The following MAP3K2 variants were observed in gnomAD, a reference collection of about 807,000 sequenced individuals.
MAP3K2 encodes the protein mitogen-activated protein kinase kinase kinase 2.
MAP3K2 carries 24 observed loss-of-function variants against 80.3 expected under a neutral mutation model. The observed-to-expected ratio is 0.30, with a 90% CI of 0.22 to 0.42. The LOEUF is 0.42. Among genes scored for constraint, MAP3K2 ranks in the 10% least tolerant of loss-of-function variants. MAP3K2 has a pLI of 1.00. For missense variants in MAP3K2, 608 were observed against 750.1 expected (o/e 0.81, Z 2.21); for synonymous variants, 244 against 253.7 (o/e 0.96, Z 0.36).
chr2:127,315,551 T>C (rs1685884616), intron 14 of MAP3K2, among the ~76,000 whole-genome samples: 1 of 152,176 alleles, frequency 6.6e-6, no homozygotes, highest in Non-Finnish European at 1.5e-5. Context: ...AACACACATA[T>C]GGAAAGCGGC....
chr2:127,381,482 G>A (rs1178190033), intron 1 of MAP3K2, among the ~76,000 whole-genome samples: 1 of 152,292 alleles, frequency 6.6e-6, no homozygotes, highest in South Asian at 2.1e-4. Context: ...ATCAGATTCT[G>A]ATTAACCTAG....
chr2:127,335,764 T>C (rs1686354725), intron 5 of MAP3K2, 106 bp downstream of exon 5: 2 of 588,794 alleles, frequency 3.4e-6, no homozygotes, highest in Non-Finnish European at 6.0e-6. Context: ...ACATACCATA[T>C]ATTTATCAAT....
At chr2:127,330,832 A>C (rs1686242587) in intron 5 of MAP3K2, among the ~76,000 whole-genome samples, 1 of 152,238 alleles carries the variant, frequency 6.6e-6, no homozygotes, top group Non-Finnish European at 1.5e-5. Flanking sequence ...AAAAAGAATG[A>C]AGAAGTACAG....
Position 127,301,710 on chromosome 2 carries a change from T to C in MAP3K2, c.*5869A>G, listed in dbSNP as rs1168171306. Reference sequence around the variant, plus strand: ...GACTATCAATTAAAATGCACAATTATGAAAAATAAGAATTCTATGAGACTG... The same window carrying C: ...GACTATCAATTAAAATGCACAATTACGAAAAATAAGAATTCTATGAGACTG... On this transcript the variant is annotated 3_prime_UTR_variant, in exon 17 of 17. Coordinates refer to ENST00000682094, the MANE Select transcript of MAP3K2 (RefSeq NM_001371910.2). 1 of 152,314 alleles carries C rather than the reference T, an allele frequency of 6.6e-6. No individual in the cohort carries two copies. The highest frequency in any genetic ancestry group is 1.9e-4 in the East Asian group (1 of 5,184). 9.4% of individuals were successfully genotyped at this position (152,314 alleles called of 1,614,324 possible).
intron 2 of MAP3K2, 124 bp downstream of exon 2, chr2:127,343,002 T>C (rs1686527248): frequency 7.4e-6 from 5 of 675,776 alleles, no homozygotes; most frequent in Admixed American, 3.0e-5. Context: ...AAACATTTCA[T>C]AAATCTGCTA....
intron 1 of MAP3K2, among the ~76,000 whole-genome samples, chr2:127,350,419 T>C (rs557603051): frequency 2.2e-4 from 28 of 128,864 alleles, no homozygotes; most frequent in Admixed American, 1.3e-3. Flanking sequence ...CAGGGCGACA[T>C]GGCAAGATCC....
intron 1 of MAP3K2, among the ~76,000 whole-genome samples, chr2:127,353,704 G>A (rs1196453810): frequency 6.6e-6 from 1 of 152,066 alleles, no homozygotes; most frequent in Non-Finnish European, 1.5e-5. Flanking sequence ...GGGAAGTGAG[G>A]AGCCCCTCTG....
At chr2:127,346,540 G>C (rs1686599161) in intron 1 of MAP3K2, among the ~76,000 whole-genome samples, 1 of 150,960 alleles carries the variant, frequency 6.6e-6, no homozygotes, top group Admixed American at 6.6e-5. Context: ...CATCAATACA[G>C]ATGCAAAAAT....
At chr2:127,326,276 C>T (rs1686136746) in intron 8 of MAP3K2, among the ~76,000 whole-genome samples, 1 of 62,704 alleles carries the variant, frequency 1.6e-5, no homozygotes, top group African/African-American at 4.3e-5. Context: ...AAGGGAATAA[C>T]AGCAACTCCA....
At chr2:127,366,630 G>A (rs940707718) in intron 1 of MAP3K2, among the ~76,000 whole-genome samples, 2 of 151,740 alleles carry the variant, frequency 1.3e-5, no homozygotes, top group Admixed American at 6.6e-5. Flanking sequence ...ATTATTTTTC[G>A]GTTGCTACTG....
chr2:127,354,679 A>G (rs1156717903), intron 1 of MAP3K2, among the ~76,000 whole-genome samples: 1 of 152,124 alleles, frequency 6.6e-6, no homozygotes, highest in Non-Finnish European at 1.5e-5. Flanking sequence ...AAAAATGTCC[A>G]GTGCCTAACA....
Position 127,304,390 on chromosome 2 carries a change from T to C in MAP3K2, c.*3189A>G, listed in dbSNP as rs1436859881. On this transcript the variant is annotated 3_prime_UTR_variant, in exon 17 of 17. Transcript: ENST00000682094. Reference sequence around the variant, plus strand: ...AACATTTTGTTTGCAATGTAAAAGATCTTATATTTGGTCCAAGCCTAAGTC... The same window carrying C: ...AACATTTTGTTTGCAATGTAAAAGACCTTATATTTGGTCCAAGCCTAAGTC... The C allele has an allele frequency of 1.3e-5, 2 of 152,172 alleles. No individual in the cohort carries two copies. Among genetic ancestry groups the C allele is most frequent in the Admixed American group, 6.5e-5 (1 of 15,272 alleles). 9.4% of individuals were successfully genotyped at this position (152,172 alleles called of 1,614,324 possible).
At chr2:127,366,656 T>C (rs183939088) in intron 1 of MAP3K2, among the ~76,000 whole-genome samples, 1 of 152,240 alleles carries the variant, frequency 6.6e-6, no homozygotes, top group East Asian at 1.9e-4. Context: ...AAAGGAAGAC[T>C]GTATGTACAA....
Position 127,350,555 on chromosome 2 carries a change from T to C in MAP3K2, c.-65-7361A>G, listed in dbSNP as rs139875892. ...AGGAAGAGAAAGCTTTTTCTTACAG[T>C]AGAATGTCAACTAATGAATGTAATA... On this transcript the variant is annotated intron_variant, in intron 1 of 16. Coordinates refer to ENST00000682094, the MANE Select transcript of MAP3K2 (RefSeq NM_001371910.2). Among the ~76,000 whole-genome samples, 538 of 151,252 alleles carry C rather than the reference T, an allele frequency of 3.6e-3. 9 individuals are homozygous for C. Among genetic ancestry groups the C allele is most frequent in the African/African-American group, 0.012 (493 of 41,162 alleles).
rs555579560 is a variant in MAP3K2 at position 127,353,279 on chromosome 2, G to A, written c.-65-10085C>T. ...GAGCGTCTCTGCCCGGCCGCCCATC[G>A]TCTGAGATGTGGGGAGGGCCTCTGC... On this transcript the variant is annotated intron_variant, in intron 1 of 16. Transcript: ENST00000682094. 1.9e-4 allele frequency among the ~76,000 whole-genome samples: 28 copies of A among 151,280 alleles called. No homozygotes were observed. The South Asian group carries it at 4.0e-3, about 22-fold the overall frequency.
chr2:127,312,846 C>T (rs1460899690), intron 15 of MAP3K2, among the ~76,000 whole-genome samples: 1 of 151,964 alleles, frequency 6.6e-6, no homozygotes, highest in Non-Finnish European at 1.5e-5. Flanking sequence ...CTGGTAGTCC[C>T]AGCTCCTAGG....
chr2:127,348,315 G>T (rs56373535), intron 1 of MAP3K2, among the ~76,000 whole-genome samples: 9,540 of 152,166 alleles, frequency 0.063, 416 homozygotes, highest in African/African-American at 0.11. Context: ...TTGAACATGG[G>T]AGGCAGATGT....
At chr2:127,376,637 T>C (rs1311340131) in intron 1 of MAP3K2, among the ~76,000 whole-genome samples, 1 of 152,180 alleles carries the variant, frequency 6.6e-6, no homozygotes, top group African/African-American at 2.4e-5. Context: ...GACAAAAATG[T>C]TGAGCTGAGC....
chr2:127,388,300 T>C (rs1287386191), upstream of MAP3K2: 4 of 985,278 alleles, frequency 4.1e-6, no homozygotes, highest in South Asian at 1.9e-4. Context: ...TCCGAGTAGA[T>C]CCCGTGAAAA....
Sources: gnomAD v4.1 joint callset for allele counts (sites outside exome capture counted in the v4.1 genomes callset) on GRCh38, gnomAD v4.1.1 for gene constraint, MANE v1.5 for transcripts, NCBI Gene and HGNC (gene_info 2026-07-23, HGNC 2026-07-21) for gene names.